The following YWHAE variants were observed in gnomAD, a reference collection of about 807,000 sequenced individuals.
The protein encoded by YWHAE is 14-3-3 protein epsilon.
YWHAE carries 4 observed loss-of-function variants against 30.1 expected under a neutral mutation model. That is an observed-to-expected ratio of 0.13 (90% CI 0.07 to 0.30). YWHAE has a LOEUF of 0.30. Among genes scored for constraint, YWHAE ranks in the 10% least tolerant of loss-of-function variants. YWHAE has a pLI of 1.00. For missense variants in YWHAE, 121 were observed against 315.9 expected (o/e 0.38, Z 4.68); for synonymous variants, 118 against 111.8 (o/e 1.06, Z -0.35).
intron 1 of YWHAE, among the ~76,000 whole-genome samples, chr17:1,375,607 G>C (rs1208635210): frequency 2.6e-5 from 4 of 152,160 alleles, no homozygotes; most frequent in Non-Finnish European, 5.9e-5. Flanking sequence ...TTGGGGACAA[G>C]GGTGGGTGAT....
At chr17:1,393,940 G>A (rs1434506433) in intron 1 of YWHAE, among the ~76,000 whole-genome samples, 1 of 152,126 alleles carries the variant, frequency 6.6e-6, no homozygotes, top group East Asian at 1.9e-4. Flanking sequence ...AAAAGATTTT[G>A]TCTACAATTC....
At chr17:1,396,377 T>C (rs1397686245) in intron 1 of YWHAE, among the ~76,000 whole-genome samples, 2 of 151,572 alleles carry the variant, frequency 1.3e-5, no homozygotes, top group Admixed American at 6.6e-5. Flanking sequence ...TGGGCCGAGA[T>C]TGTGCCACTT....
chr17:1,358,865 T>G (rs1198263139), intron 4 of YWHAE, among the ~76,000 whole-genome samples: 6 of 142,004 alleles, frequency 4.2e-5, no homozygotes, highest in Admixed American at 1.4e-4. Flanking sequence ...CCAAGCACAG[T>G]GGCTCACACC....
Position 1,385,075 on chromosome 17 carries a change from A to G in YWHAE, c.64+14972T>C, listed in dbSNP as rs542068069. ...GCAGTGGCTATTCACAGGCATGACC[A>G]TAACACTCCTTGGCTGAAGCTCACC... is the stretch of plus-strand genomic sequence containing the variant. On this transcript the variant is annotated intron_variant, in intron 1 of 5. Transcript: ENST00000264335. Among the ~76,000 whole-genome samples the G allele has an allele frequency of 5.3e-5, 8 of 150,624 alleles. No homozygotes were observed. In the South Asian group the frequency reaches 1.0e-3, roughly 20 times the overall value.
In YWHAE at chr17:1,354,487, A is replaced by G. The variant is rs981812068; in HGVS notation, c.579-140T>C. 17 of 857,140 alleles carry G rather than the reference A, an allele frequency of 2.0e-5. No individual in the cohort carries two copies. The Admixed American group carries it at 2.0e-4, about 10-fold the overall frequency. The allele number at this position is 857,140 out of a possible 1,614,324, so 53.1% of individuals were successfully genotyped here. ...ATAATGCAAAGAAAAAGCAAATACAATAAAAATTAACTTAAAGGTATGTGG... is the reference window on the plus strand; with the variant it reads ...ATAATGCAAAGAAAAAGCAAATACAGTAAAAATTAACTTAAAGGTATGTGG... On this transcript the variant is annotated intron_variant, in intron 4 of 5. Coordinates refer to ENST00000264335, the MANE Select transcript of YWHAE (RefSeq NM_006761.5).
intron 5 of YWHAE, among the ~76,000 whole-genome samples, chr17:1,347,469 C>T (rs2150835205): frequency 1.3e-5 from 2 of 151,666 alleles, no homozygotes; most frequent in African/African-American, 4.8e-5. Flanking sequence ...GCAACAAGAG[C>T]AAAACTCCGT....
At chr17:1,389,250 T>C (rs898271834) in intron 1 of YWHAE, among the ~76,000 whole-genome samples, 2 of 152,154 alleles carry the variant, frequency 1.3e-5, no homozygotes, top group East Asian at 1.9e-4. Context: ...ACAGGGATTA[T>C]TAGCCACTGC....
Position 1,400,151 on chromosome 17 carries a change from G to A in YWHAE, c.-41C>T, listed in dbSNP as rs139532375. 3.9e-3 allele frequency: 6,241 copies of A among 1,611,132 alleles called. 22 individuals carry two copies. The highest frequency in any genetic ancestry group is 4.2e-3 in the Non-Finnish European group (4,934 of 1,177,476). On this transcript the variant is annotated 5_prime_UTR_variant, in exon 1 of 6. Coordinates refer to ENST00000264335, the MANE Select transcript of YWHAE (RefSeq NM_006761.5). Reference sequence around the variant, plus strand: ...GGCAGGGTCTGCGCGACGGATGGAAGCGGATAGTGTCTCCGACTCTCTCAG... The same window carrying A: ...GGCAGGGTCTGCGCGACGGATGGAAACGGATAGTGTCTCCGACTCTCTCAG...
chr17:1,348,080 A>C, intron 5 of YWHAE: 1 of 793,116 alleles, frequency 1.3e-6, no homozygotes, highest in Non-Finnish European at 1.5e-6. Context: ...AAACCAACAG[A>C]GCAGGACAAA....
At chr17:1,385,664 G>C (rs1430902276) in intron 1 of YWHAE, among the ~76,000 whole-genome samples, 1 of 152,138 alleles carries the variant, frequency 6.6e-6, no homozygotes, top group Non-Finnish European at 1.5e-5. Context: ...GGAAGACGGA[G>C]GATGCAGGTG....
chr17:1,348,589 A>G (rs1598220595), intron 5 of YWHAE, among the ~76,000 whole-genome samples: 1 of 152,208 alleles, frequency 6.6e-6, no homozygotes, highest in Non-Finnish European at 1.5e-5. Context: ...AAGTCACAAA[A>G]GTAGTATTTT....
At chr17:1,348,891 T>A (rs550243228) in intron 5 of YWHAE, among the ~76,000 whole-genome samples, 44 of 149,892 alleles carry the variant, frequency 2.9e-4, no homozygotes, top group Non-Finnish European at 4.7e-4. Context: ...CCGGGCATGG[T>A]GGCGGGCACC....
chr17:1,347,318 C>T (rs1598219298), intron 5 of YWHAE, among the ~76,000 whole-genome samples: 1 of 149,226 alleles, frequency 6.7e-6, no homozygotes, highest in Admixed American at 6.7e-5. Context: ...GGGCGACAAT[C>T]GAGACTCCGT....
rs527758661 is a variant in YWHAE at position 1,371,637 on chromosome 17, G to A, written c.65-6579C>T. ...ATTCACCAGCTGCATTAGTCCCTAA[G>A]AAGCTGCATCAGCCTGTCCTATGGA... is the stretch of plus-strand genomic sequence containing the variant. On this transcript the variant is annotated intron_variant, in intron 1 of 5. Coordinates refer to ENST00000264335, the MANE Select transcript of YWHAE (RefSeq NM_006761.5). 2.1e-4 allele frequency among the ~76,000 whole-genome samples: 32 copies of A among 152,254 alleles called. No individual in the cohort carries two copies. In the South Asian group the frequency reaches 6.4e-3, roughly 31 times the overall value.
chr17:1,382,502 GCC>G (rs1390003295), intron 1 of YWHAE, among the ~76,000 whole-genome samples: 9 of 150,920 alleles, frequency 6.0e-5, no homozygotes, highest in Admixed American at 2.7e-4. Flanking sequence ...GACTACAGGC[GCC>G]CACCACCAGG....
intron 1 of YWHAE, among the ~76,000 whole-genome samples, chr17:1,386,188 G>T (rs1201806029): frequency 1.3e-5 from 2 of 152,146 alleles, no homozygotes; most frequent in Non-Finnish European, 2.9e-5. Flanking sequence ...TCATCACAAT[G>T]AAACACTTTA....
At chr17:1,386,562 T>C (rs192791309) in intron 1 of YWHAE, among the ~76,000 whole-genome samples, 47 of 152,330 alleles carry the variant, frequency 3.1e-4, no homozygotes, top group Middle Eastern at 3.4e-3. Flanking sequence ...ATACTTTGAT[T>C]AAGGCTTTTC....
chr17:1,391,169 C>A (rs1206242555), intron 1 of YWHAE, among the ~76,000 whole-genome samples: 1 of 152,156 alleles, frequency 6.6e-6, no homozygotes, highest in African/African-American at 2.4e-5. Flanking sequence ...TGCCAGCAAG[C>A]TCTATTTTCA....
chr17:1,397,659 G>C (rs948697554), intron 1 of YWHAE, among the ~76,000 whole-genome samples: 5 of 151,956 alleles, frequency 3.3e-5, no homozygotes, highest in African/African-American at 1.2e-4. Context: ...TTCCACCCCC[G>C]ACACCTGCTA....
Sources: allele counts gnomAD v4.1 joint callset (sites outside exome capture counted in the v4.1 genomes callset), GRCh38; gene constraint gnomAD v4.1.1; transcripts MANE v1.5; gene names NCBI Gene and HGNC (gene_info 2026-07-23, HGNC 2026-07-21).